The following BTC variants were observed in gnomAD, a reference collection of about 807,000 sequenced individuals.
BTC encodes the protein betacellulin.
A neutral mutation model predicts 18.1 loss-of-function variants in BTC; 13 were observed. The ratio of observed to expected loss-of-function variants is 0.72; its 90% CI spans 0.47 to 1.14. The LOEUF (loss-of-function observed/expected upper bound fraction) is 1.14. BTC is among the 50% of genes most tolerant of loss of function. BTC has a pLI of 0.00. For missense variants in BTC, 247 were observed against 224.2 expected, an observed-to-expected ratio of 1.10 and a Z score of -0.65; for synonymous variants, 83 against 79.4, an observed-to-expected ratio of 1.05 and a Z score of -0.24.
At chr4:74,770,198 G>T (rs1725003013) in intron 1 of BTC, 42 bp from the exon 2 acceptor site, 1 of 1,511,444 alleles carries the variant, frequency 6.6e-7, no homozygotes, top group African/African-American at 1.4e-5. Flanking sequence ...ATGAAAATTT[G>T]CTTATTGTGA....
intron 1 of BTC, among the ~76,000 whole-genome samples, chr4:74,783,161 T>C (rs1339709099): frequency 6.6e-6 from 1 of 152,224 alleles, no homozygotes; most frequent in East Asian, 1.9e-4. Flanking sequence ...GTTTTTGTCA[T>C]GAAATCTTTG....
chr4:74,774,901 T>G (rs983423081), intron 1 of BTC, among the ~76,000 whole-genome samples: 7 of 151,846 alleles, frequency 4.6e-5, no homozygotes, highest in African/African-American at 1.7e-4. Context: ...TAAACCAGGA[T>G]GATAGCACCA....
At chr4:74,762,391 G>C (rs1553957411) in intron 2 of BTC, among the ~76,000 whole-genome samples, 5 of 152,094 alleles carry the variant, frequency 3.3e-5, no homozygotes, top group Non-Finnish European at 5.9e-5. Context: ...TTGAAAAAGG[G>C]AATAATGTAG....
chr4:74,782,594 T>C (rs1233527047), intron 1 of BTC, among the ~76,000 whole-genome samples: 1 of 152,168 alleles, frequency 6.6e-6, no homozygotes, highest in Admixed American at 6.5e-5. Context: ...TAGAATAATT[T>C]ATATTCCTTT....
intron 1 of BTC, among the ~76,000 whole-genome samples, chr4:74,774,933 C>T (rs1725138885): frequency 6.6e-6 from 1 of 151,922 alleles, no homozygotes. Flanking sequence ...AAAAGAAAGG[C>T]CTATGAGGGA....
At chr4:74,792,643 CT>C (rs968754847) in intron 1 of BTC, among the ~76,000 whole-genome samples, 1 of 152,228 alleles carries the variant, frequency 6.6e-6, no homozygotes, top group Non-Finnish European at 1.5e-5. Context: ...CATAATCTGT[CT>C]GCCTCTCAGA....
Position 74,792,356 on chromosome 4 carries a change from C to T in BTC, c.64+1906G>A, listed in dbSNP as rs538769809. Among the ~76,000 whole-genome samples, 4 of 152,222 alleles carry T rather than the reference C, an allele frequency of 2.6e-5. No individual in the cohort carries two copies. In the East Asian group the frequency reaches 5.8e-4, roughly 22 times the overall value. On this transcript the variant is annotated intron_variant, in intron 1 of 5. Coordinates refer to ENST00000395743, the MANE Select transcript of BTC (RefSeq NM_001729.4). Reference sequence around the variant, plus strand: ...TGTGATAGTAAAGGGGAAAGAATGTCCATCGACTTTCAATAGTCATTTCTA... The same window carrying T: ...TGTGATAGTAAAGGGGAAAGAATGTTCATCGACTTTCAATAGTCATTTCTA...
intron 1 of BTC, among the ~76,000 whole-genome samples, chr4:74,770,589 T>C (rs1242636960): frequency 6.6e-6 from 1 of 152,188 alleles, no homozygotes; most frequent in Non-Finnish European, 1.5e-5. Flanking sequence ...AATGTGCTTC[T>C]TTCTGGGGAG....
intron 2 of BTC, among the ~76,000 whole-genome samples, chr4:74,762,366 CT>C (rs1206390323): frequency 2.0e-5 from 3 of 152,220 alleles, no homozygotes; most frequent in Admixed American, 6.5e-5. Context: ...CCTCTCTGTG[CT>C]TCAGTGTCTT....
chr4:74,779,744 C>G (rs1485255177), intron 1 of BTC, among the ~76,000 whole-genome samples: 1 of 152,116 alleles, frequency 6.6e-6, no homozygotes, highest in Non-Finnish European at 1.5e-5. Flanking sequence ...CATAAGATTT[C>G]AGAGTAGATG....
chr4:74,792,887 C>T (rs565732102), intron 1 of BTC, among the ~76,000 whole-genome samples: 1 of 152,204 alleles, frequency 6.6e-6, no homozygotes, highest in Non-Finnish European at 1.5e-5. Context: ...CCCTGCTGGG[C>T]TTGCATATCC....
At chr4:74,754,992 C>A (rs962474622) in intron 3 of BTC, among the ~76,000 whole-genome samples, 1 of 151,362 alleles carries the variant, frequency 6.6e-6, no homozygotes, top group Non-Finnish European at 1.5e-5. Flanking sequence ...TCCTTATTTT[C>A]TTACATTAGC....
At position 74,764,389 on chromosome 4, in the gene BTC, G is replaced by A. The variant is rs543191119; in HGVS notation, c.163+5669C>T. Among the ~76,000 whole-genome samples, 7 of 152,258 alleles carry A rather than the reference G, an allele frequency of 4.6e-5. No individual in the cohort carries two copies. The East Asian group carries it at 9.7e-4, about 21-fold the overall frequency. Reference sequence around the variant, plus strand: ...GACGTGTGATGGGAAGGTCTGCATTGATGGGCATAGACCAAAATGAAAATT... The same window carrying A: ...GACGTGTGATGGGAAGGTCTGCATTAATGGGCATAGACCAAAATGAAAATT... On this transcript the variant is annotated intron_variant, in intron 2 of 5. Transcript: ENST00000395743.
chr4:74,752,343 T>G (rs1229159421), intron 3 of BTC, among the ~76,000 whole-genome samples: 5 of 151,446 alleles, frequency 3.3e-5, no homozygotes, highest in African/African-American at 9.7e-5. Context: ...CAAAAATCTG[T>G]CATACATAAG....
intron 3 of BTC, among the ~76,000 whole-genome samples, chr4:74,752,823 A>G (rs1333746450): frequency 6.6e-6 from 1 of 152,236 alleles, no homozygotes; most frequent in Non-Finnish European, 1.5e-5. Context: ...TTTAAACAAT[A>G]GCTTTGTCCA....
intron 2 of BTC, among the ~76,000 whole-genome samples, chr4:74,763,737 A>G (rs1681676754): frequency 6.6e-6 from 1 of 152,164 alleles, no homozygotes. Context: ...TGGCTGAAGG[A>G]TACAAAATTA....
In BTC at chr4:74,750,616, C is replaced by A; in HGVS notation, c.385G>T (p.Val129Leu). The change falls in exon 4 of 6, where the codon GTA becomes TTA. Residue 129 changes from valine (V) to leucine (L), a missense_variant. Coordinates refer to ENST00000395743, the MANE Select transcript of BTC (RefSeq NM_001729.4). Reference protein sequence around the residue: ...ILVICLIAVMVVFIILVIGVC... With the variant: ...ILVICLIAVMLVFIILVIGVC... ...CCGATGACCAAAATAATAAAAACTA[C>A]CATAACTGCTATCAAACAAATCACC... 2 of 1,613,768 alleles carry A rather than the reference C, an allele frequency of 1.2e-6. No individual in the cohort carries two copies. Among genetic ancestry groups the A allele is most frequent in the South Asian group, 2.2e-5 (2 of 91,032 alleles).
intron 1 of BTC, among the ~76,000 whole-genome samples, chr4:74,787,924 A>C (rs1725524512): frequency 6.6e-6 from 1 of 152,208 alleles, no homozygotes; most frequent in Non-Finnish European, 1.5e-5. Context: ...GAAGCAAACC[A>C]GCAAACCACT....
intron 1 of BTC, among the ~76,000 whole-genome samples, chr4:74,790,500 A>G (rs1305670296): frequency 6.6e-6 from 1 of 152,132 alleles, no homozygotes; most frequent in Non-Finnish European, 1.5e-5. Context: ...TGACCACTAC[A>G]TGACCCTGCC....
Sources: gnomAD v4.1 joint callset for allele counts (sites outside exome capture counted in the v4.1 genomes callset) on GRCh38, gnomAD v4.1.1 for gene constraint, MANE v1.5 for transcripts, NCBI Gene and HGNC (gene_info 2026-07-23, HGNC 2026-07-21) for gene names.